The following KLHL33 variants were observed in gnomAD, a reference collection of about 807,000 sequenced individuals.
The protein encoded by KLHL33 is kelch like family member 33.
A neutral mutation model predicts 60.8 loss-of-function variants in KLHL33; 46 were observed. That is an observed-to-expected ratio of 0.76 (90% CI 0.60 to 0.97). The LOEUF is 0.97. Among genes scored for constraint, KLHL33 ranks in the 50% least tolerant of loss-of-function variants. KLHL33 has a pLI of 0.00. For synonymous variants in KLHL33, 434 were observed against 432.2 expected, an observed-to-expected ratio of 1.00 and a Z score of -0.05; for missense variants, 1,055 against 1,000.0, an observed-to-expected ratio of 1.05 and a Z score of -0.74.
chr14:20,434,980 T>A, intron 2 of KLHL33, 84 bp downstream of exon 2: 1 of 1,132,148 alleles, frequency 8.8e-7, no homozygotes, highest in Non-Finnish European at 1.1e-6. Flanking sequence ...ACCATCATGG[T>A]GGGGATAAAA....
Position 20,429,971 on chromosome 14 carries a change from G to A in KLHL33, c.1497C>T (p.Ala499=), listed in dbSNP as rs1219921563. 1.3e-6 allele frequency: 2 copies of A among 1,551,602 alleles called. No individual in the cohort carries two copies. Among genetic ancestry groups the A allele is most frequent in the East Asian group, 4.9e-5 (2 of 40,928 alleles). The part of the protein sequence containing the change: ...LRQPSRAVWW[A]RAFRCGVGLV... ...GTCCCACGCCACAGCGGAAGGCCCG[G>A]GCCCACCACACTGCTCGGGATGGTT... The change falls in exon 3 of 5, where the codon GCC becomes GCT. Residue 499 remains alanine, a synonymous_variant. Coordinates refer to ENST00000636854, the MANE Select transcript of KLHL33 (RefSeq NM_001365790.2).
rs567588805 is a variant in KLHL33, at chr14:20,427,280, A to G, written c.*1569T>C. 14 of 152,224 alleles carry G rather than the reference A, an allele frequency of 9.2e-5. No individual in the cohort carries two copies. In the South Asian group the frequency reaches 2.7e-3, roughly 29 times the overall value. The allele number at this position is 152,224 out of a possible 1,614,324, so 9.4% of individuals were successfully genotyped here. ...GACCCTTTTTTGCTCTCAGCTGTCC[A>G]GTAGGCAGAAATGGAAAGAGCAGAC... On this transcript the variant is annotated 3_prime_UTR_variant, in exon 5 of 5. Transcript: ENST00000636854.
rs1221577206 is a variant in KLHL33 at position 20,435,455 on chromosome 14, G to A, written c.357C>T (p.Val119=). Residue 119 remains valine (V), a synonymous_variant, in exon 2 of 5, where the codon GTC becomes GTT. Coordinates refer to ENST00000636854, the MANE Select transcript of KLHL33 (RefSeq NM_001365790.2). ...GATGCACCCCGTATACCCGCCCCGC[G>A]ACTGACACCTCTTCGTCCAGCAACA... ...QRLLLDEEVS[V]AGRVYGVHRV... The A allele has an allele frequency of 4.9e-6, 6 of 1,234,452 alleles. No homozygotes were observed. The highest frequency in any genetic ancestry group is 6.1e-6 in the Non-Finnish European group (6 of 988,218). 76.5% of individuals were successfully genotyped at this position (1,234,452 alleles called of 1,614,324 possible). A position where few individuals can be genotyped will look rare whatever the true frequency, so the allele number is the denominator to read the frequency against.
At chr14:20,436,066 C>A (rs45440102) in intron 1 of KLHL33, 33 bp downstream of exon 1, 44,832 of 333,848 alleles carry the variant, frequency 0.13, 3,188 homozygotes, top group Admixed American at 0.18. Flanking sequence ...CGGGACCACA[C>A]CCCTCCCCTA....
At chr14:20,432,650 G>A (rs368915545) in intron 2 of KLHL33, among the ~76,000 whole-genome samples, 10 of 151,926 alleles carry the variant, frequency 6.6e-5, no homozygotes, top group African/African-American at 1.2e-4. Flanking sequence ...GGCCAGGCGC[G>A]GTGGCTCATG....
chr14:20,432,926 A>AAAAGAAAGAAAGAAGAAAG (rs1880556120), intron 2 of KLHL33, among the ~76,000 whole-genome samples: 1 of 104,672 alleles, frequency 9.6e-6, no homozygotes, highest in Non-Finnish European at 1.8e-5. Context: ...CATCTCAAAA[A>AAAAGAAAGAAAGAAGAAAG]AAAGAAAGAA....
At chr14:20,432,606 A>G (rs1880541967) in intron 2 of KLHL33, among the ~76,000 whole-genome samples, 1 of 152,138 alleles carries the variant, frequency 6.6e-6, no homozygotes, top group Non-Finnish European at 1.5e-5. Flanking sequence ...CTGGGAAAAT[A>G]TAAATGTGGA....
At position 20,435,758 on chromosome 14, in the gene KLHL33, A is replaced by T. The variant is rs1214317611; in HGVS notation, c.54T>A (p.His18Gln). The change falls in exon 2 of 5, where the codon CAT becomes CAA. Residue 18 changes from histidine to glutamine, a missense_variant. Coordinates refer to ENST00000636854, the MANE Select transcript of KLHL33 (RefSeq NM_001365790.2). Reference protein sequence around the residue: ...HYPPELESVSHPVQRDCLGLL... With the variant: ...HYPPELESVSQPVQRDCLGLL... ...GTCCAAGGCAGTCCCTCTGGACGGG[A>T]TGAGAGACACTCTCCAGCTCAGGGG... 1.6e-6 allele frequency: 2 copies of T among 1,234,264 alleles called. No individual in the cohort carries two copies. The highest frequency in any genetic ancestry group is 1.6e-5 in the African/African-American group (1 of 64,472). 76.5% of individuals were successfully genotyped at this position (1,234,264 alleles called of 1,614,324 possible). A position where few individuals can be genotyped will look rare whatever the true frequency, so the allele number is the denominator to read the frequency against.
In KLHL33 at chr14:20,429,062, C is replaced by A; in HGVS notation, c.2181G>T (p.Leu727=). ...CCCCGAGCACCAGTAGCTCCCCCTG[C>A]AGCACAGCACTTGCAGCCCCCACAT... ...SPHVGAASAV[L]QGELLVLGGY... is the part of the protein sequence containing the mutation. The change falls in exon 5 of 5, where the codon CTG becomes CTT. Residue 727 remains leucine, a synonymous_variant. Coordinates refer to ENST00000636854, the MANE Select transcript of KLHL33 (RefSeq NM_001365790.2). 3 of 1,551,730 alleles carry A rather than the reference C, an allele frequency of 1.9e-6. No individual in the cohort carries two copies.
At chr14:20,432,926 A>AAAAGAAAGAGAGAAAG (rs1880555735) in intron 2 of KLHL33, among the ~76,000 whole-genome samples, 3 of 104,672 alleles carry the variant, frequency 2.9e-5, no homozygotes, top group South Asian at 3.6e-4. Context: ...CATCTCAAAA[A>AAAAGAAAGAGAGAAAG]AAAGAAAGAA....
rs185924222 is a variant in KLHL33, at chr14:20,433,606, T to A, written c.748+1458A>T. ...CCCTGAAAGGGCTCACAGCCACTTG[T>A]ATTCACCTCTTACTCATTACTATAC... On this transcript the variant is annotated intron_variant, in intron 2 of 4. Transcript: ENST00000636854. 2.4e-3 allele frequency among the ~76,000 whole-genome samples: 363 copies of A among 152,374 alleles called. 2 individuals carry two copies. The highest frequency in any genetic ancestry group is 8.5e-3 in the African/African-American group (353 of 41,600).
At position 20,427,039 on chromosome 14, in the gene KLHL33, G is replaced by A. The variant is rs929440408; in HGVS notation, c.*1810C>T. The A allele has an allele frequency of 9.1e-6, 1 of 109,814 alleles. No individual in the cohort carries two copies. Among genetic ancestry groups the A allele is most frequent in the Non-Finnish European group, 1.8e-5 (1 of 56,816 alleles). The allele number at this position is 109,814 out of a possible 1,614,324, so 6.8% of individuals were successfully genotyped here. The stretch of plus-strand genomic sequence containing the variant: ...CACACTCTGGAGAATGTTGTGGGGT[G>A]GGGGGAGGGGGGAAGGATAGCATTA... On this transcript the variant is annotated 3_prime_UTR_variant, in exon 5 of 5. Coordinates refer to ENST00000636854, the MANE Select transcript of KLHL33 (RefSeq NM_001365790.2).
At position 20,430,304 on chromosome 14, in the gene KLHL33, A is replaced by G. The variant is rs1036669865; in HGVS notation, c.1164T>C (p.Asp388=). The change falls in exon 3 of 5, where the codon GAT becomes GAC. Residue 388 remains aspartate, a synonymous_variant. Transcript: ENST00000636854. ...LPAACLAELL[D]SDELHVQEEF... is the part of the protein sequence containing the mutation. ...CCTCCTGCACATGGAGCTCATCACTATCCAGGAGCTCAGCCAAGCAGGCAG... is the reference window on the plus strand; with the variant it reads ...CCTCCTGCACATGGAGCTCATCACTGTCCAGGAGCTCAGCCAAGCAGGCAG... The G allele has an allele frequency of 6.4e-7, 1 of 1,551,778 alleles. No individual in the cohort carries two copies. Among genetic ancestry groups the G allele is most frequent in the Non-Finnish European group, 8.7e-7 (1 of 1,147,000 alleles).
chr14:20,428,610 C>T lies in KLHL33; in HGVS notation c.*239G>A, dbSNP rs1880369651. On this transcript the variant is annotated 3_prime_UTR_variant, in exon 5 of 5. Transcript: ENST00000636854. ...TCCCTAAGCCTTGTGGAGTTGCTCC[C>T]GAGTCTCCTTTCCTCACCTGGGTAT... The T allele has an allele frequency of 1.2e-5, 6 of 504,292 alleles. No individual in the cohort carries two copies. Among genetic ancestry groups the T allele is most frequent in the East Asian group, 6.4e-5 (2 of 31,018 alleles). 31.2% of individuals were successfully genotyped at this position (504,292 alleles called of 1,614,324 possible).
intron 2 of KLHL33, among the ~76,000 whole-genome samples, chr14:20,432,204 C>A (rs562172352): frequency 6.6e-6 from 1 of 152,186 alleles, no homozygotes; most frequent in East Asian, 1.9e-4. Flanking sequence ...AACCTCCACC[C>A]TCCAGCTTCA....
In KLHL33 at chr14:20,430,430, C is replaced by T. The variant is rs1038121405; in HGVS notation, c.1038G>A (p.Ala346=). 29 of 1,551,612 alleles carry T rather than the reference C, an allele frequency of 1.9e-5. No individual in the cohort carries two copies. Among genetic ancestry groups the T allele is most frequent in the Middle Eastern group, 3.3e-4 (2 of 6,012 alleles). ...AGAGCCTCTCCAACCCAGGGGCTTC[C>T]GCCATGGGGAACAGGGCCAGGCAAC... ...PARCLALFPM[A]EAPGLERLWS... Residue 346 remains alanine, a synonymous_variant, in exon 3 of 5, where the codon GCG becomes GCA. Transcript: ENST00000636854.
At position 20,429,059 on chromosome 14, in the gene KLHL33, C is replaced by G; in HGVS notation, c.2184G>C (p.Gln728His). ...PHVGAASAVL[Q>H]GELLVLGGYS... ...AGCCCCCGAGCACCAGTAGCTCCCC[C>G]TGCAGCACAGCACTTGCAGCCCCCA... Residue 728 changes from glutamine (Q) to histidine (H), a missense_variant, in exon 5 of 5, where the codon CAG becomes CAC. By Grantham distance (24) the Gln-to-His change is conservative. Transcript: ENST00000636854. 1 of 1,551,734 alleles carries G rather than the reference C, an allele frequency of 6.4e-7. No homozygotes were observed.
chr14:20,432,069 G>A (rs1420882625), intron 2 of KLHL33, among the ~76,000 whole-genome samples: 1 of 152,028 alleles, frequency 6.6e-6, no homozygotes, highest in Non-Finnish European at 1.5e-5. Context: ...ACAATTTAGA[G>A]GGGAAAAACC....
Position 20,426,006 on chromosome 14 carries a change from C to A in KLHL33, c.*2843G>T, listed in dbSNP as rs563387351. ...TCTTTTCTCTTATACATCCTACTTA[C>A]CCCTTCTCATTTTCAATTACATTCC... On this transcript the variant is annotated 3_prime_UTR_variant, in exon 5 of 5. Transcript: ENST00000636854. The A allele has an allele frequency of 1.3e-5, 2 of 152,258 alleles. No individual in the cohort carries two copies. The highest frequency in any genetic ancestry group is 4.1e-4 in the South Asian group (2 of 4,822). The allele number at this position is 152,258 out of a possible 1,614,324, so 9.4% of individuals were successfully genotyped here.
Sources: gnomAD v4.1 joint callset for allele counts (sites outside exome capture counted in the v4.1 genomes callset) on GRCh38, gnomAD v4.1.1 for gene constraint, MANE v1.5 for transcripts, NCBI Gene and HGNC (gene_info 2026-07-23, HGNC 2026-07-21) for gene names.